The following MDFIC2 variants were observed in gnomAD, a reference collection of about 807,000 sequenced individuals.
MDFIC2 encodes the protein myoD family inhibitor domain-containing protein 2.
At chr3:70,258,852 C>T (rs1054563358) in intron 2 of MDFIC2, among the ~76,000 whole-genome samples, 4 of 151,920 alleles carry the variant, frequency 2.6e-5, no homozygotes, top group African/African-American at 9.7e-5. Flanking sequence ...GGTGATGACC[C>T]TATGATTGAA....
intron 2 of MDFIC2, among the ~76,000 whole-genome samples, chr3:70,276,925 A>G (rs1258701581): frequency 2.0e-5 from 3 of 152,250 alleles, no homozygotes; most frequent in African/African-American, 7.2e-5. Flanking sequence ...TCAGTGAGAA[A>G]TCCTCACATT....
intron 2 of MDFIC2, among the ~76,000 whole-genome samples, chr3:70,285,602 T>C (rs1207305889): frequency 6.6e-6 from 1 of 151,656 alleles, no homozygotes; most frequent in Non-Finnish European, 1.5e-5. Context: ...CAAATGGTAT[T>C]TCTAGTTCTA....
chr3:70,244,516 G>A lies in MDFIC2; in HGVS notation c.89-37726C>T, dbSNP rs149592881. ...TTAATTTTTTAATGCTGTGAAAGCT[G>A]TGAGTAGGCTAACAAATCTATTTGA... is the stretch of plus-strand genomic sequence containing the variant. On this transcript the variant is annotated intron_variant, in intron 2 of 3. Transcript: ENST00000567252. 7.0e-4 allele frequency among the ~76,000 whole-genome samples: 106 copies of A among 152,306 alleles called. 1 individual carries two copies. Among genetic ancestry groups the A allele is most frequent in the African/African-American group, 2.5e-3 (103 of 41,568 alleles).
intron 2 of MDFIC2, chr3:70,249,228 A>G (rs777931739): frequency 2.0e-5 from 3 of 152,128 alleles, no homozygotes; most frequent in Non-Finnish European, 4.4e-5. Context: ...TTGTGTCCTT[A>G]ATATTTACTA....
intron 2 of MDFIC2, among the ~76,000 whole-genome samples, chr3:70,246,518 A>C (rs1034823394): frequency 6.6e-6 from 1 of 152,146 alleles, no homozygotes; most frequent in African/African-American, 2.4e-5. Context: ...CTTATCAAAC[A>C]GAAACACGAG....
intron 2 of MDFIC2, among the ~76,000 whole-genome samples, chr3:70,227,529 A>G (rs1425149392): frequency 6.6e-6 from 1 of 152,232 alleles, no homozygotes; most frequent in Non-Finnish European, 1.5e-5. Flanking sequence ...AGGCTAGAAG[A>G]CAAAGTGAGT....
intron 2 of MDFIC2, among the ~76,000 whole-genome samples, chr3:70,299,704 A>G (rs938352794): frequency 2.0e-5 from 3 of 152,098 alleles, no homozygotes; most frequent in African/African-American, 7.2e-5. Context: ...CTCTGGTTTC[A>G]GTCTCTACCC....
At chr3:70,292,813 A>G (rs1394781687) in intron 2 of MDFIC2, among the ~76,000 whole-genome samples, 8 of 152,064 alleles carry the variant, frequency 5.3e-5, no homozygotes, top group African/African-American at 7.2e-5. Context: ...AATTGCAATA[A>G]AAATTGCAGT....
At chr3:70,234,956 G>A (rs945547942) in intron 2 of MDFIC2, among the ~76,000 whole-genome samples, 5 of 152,156 alleles carry the variant, frequency 3.3e-5, no homozygotes, top group Admixed American at 2.0e-4. Context: ...GGTCTGGAGT[G>A]CAGTCTGGGC....
chr3:70,237,936 A>T lies in MDFIC2; in HGVS notation c.89-31146T>A, dbSNP rs1229306136. Among the ~76,000 whole-genome samples the T allele has an allele frequency of 2.8e-5, 4 of 145,438 alleles. No homozygotes were observed. In the East Asian group the frequency reaches 8.6e-4, roughly 31 times the overall value. ...CCAAGAGGATTTAGAATTGAGGTGG[A>T]TAATCCTAAAAGAGAAGGGAAAAGA... On this transcript the variant is annotated intron_variant, in intron 2 of 3. Coordinates refer to ENST00000567252, the MANE Select transcript of MDFIC2 (RefSeq NM_001364677.1).
intron 2 of MDFIC2, among the ~76,000 whole-genome samples, chr3:70,300,858 A>T (rs1238572791): frequency 6.6e-6 from 1 of 152,026 alleles, no homozygotes; most frequent in Admixed American, 6.6e-5. Context: ...TGGACACTCC[A>T]AGGTATTCAT....
At chr3:70,269,622 A>G (rs374956503) in intron 2 of MDFIC2, among the ~76,000 whole-genome samples, 4 of 152,164 alleles carry the variant, frequency 2.6e-5, no homozygotes, top group Non-Finnish European at 1.5e-5. Flanking sequence ...TCTTTGTTCA[A>G]TTAAATTATG....
intron 2 of MDFIC2, among the ~76,000 whole-genome samples, chr3:70,257,918 G>A (rs1701831841): frequency 6.6e-6 from 1 of 152,174 alleles, no homozygotes; most frequent in South Asian, 2.1e-4. Context: ...TGGTATTGGT[G>A]TAAGGATAGA....
At chr3:70,310,048 T>A (rs1702441011) in intron 2 of MDFIC2, among the ~76,000 whole-genome samples, 1 of 152,156 alleles carries the variant, frequency 6.6e-6, no homozygotes, top group Non-Finnish European at 1.5e-5. Context: ...GTGAAGAACA[T>A]CTCTATCTTC....
At position 70,311,887 on chromosome 3, in the gene MDFIC2, T is replaced by A; in HGVS notation, c.87A>T (p.Glu29Asp). The change falls in exon 2 of 4, where the codon GAA becomes GAT. Residue 29 changes from glutamate to aspartate, a missense_variant and splice_region_variant. Physicochemically the swap from Glu to Asp is conservative, Grantham distance 45. Transcript: ENST00000567252. ...AAAATCAAGAGCAAGAAGACTTACC[T>A]TCTTTCAACCAAGAAATGTTATTTT... The part of the protein sequence containing the change: ...NDKNNISWLK[E>D]DTQLTNAKHA... The A allele has an allele frequency of 1.0e-5, 4 of 397,802 alleles. No individual in the cohort carries two copies. Among genetic ancestry groups the A allele is most frequent in the Non-Finnish European group, 1.3e-5 (3 of 225,580 alleles). 24.6% of individuals were successfully genotyped at this position (397,802 alleles called of 1,614,324 possible).
chr3:70,257,243 A>T (rs1001008561), intron 2 of MDFIC2, among the ~76,000 whole-genome samples: 4 of 152,164 alleles, frequency 2.6e-5, no homozygotes, highest in Non-Finnish European at 4.4e-5. Flanking sequence ...CATTCCTTAA[A>T]ACCTGGCACA....
chr3:70,216,701 C>T lies in MDFIC2; in HGVS notation c.89-9911G>A, dbSNP rs533654314. Reference sequence around the variant, plus strand: ...AGCTTATTGAAAAACATACTCAGGTCTCTGCTCAAATGTCACCTCCTGGGT... The same window carrying T: ...AGCTTATTGAAAAACATACTCAGGTTTCTGCTCAAATGTCACCTCCTGGGT... On this transcript the variant is annotated intron_variant, in intron 2 of 3. Transcript: ENST00000567252. 2.9e-4 allele frequency among the ~76,000 whole-genome samples: 44 copies of T among 152,262 alleles called. No individual in the cohort carries two copies. The South Asian group carries it at 8.7e-3, about 30-fold the overall frequency.
intron 2 of MDFIC2, among the ~76,000 whole-genome samples, chr3:70,276,856 CA>C (rs769679849): frequency 1.3e-5 from 2 of 152,202 alleles, no homozygotes; most frequent in Non-Finnish European, 2.9e-5. Context: ...ACAAATCCTT[CA>C]AATTAGATTG....
At chr3:70,209,221 G>A (rs1239594216) in intron 2 of MDFIC2, among the ~76,000 whole-genome samples, 1 of 152,064 alleles carries the variant, frequency 6.6e-6, no homozygotes, top group Non-Finnish European at 1.5e-5. Context: ...TTGGCATGGA[G>A]AGATTGTAGG....
Sources: gnomAD v4.1 joint callset for allele counts (sites outside exome capture counted in the v4.1 genomes callset) on GRCh38, gnomAD v4.1.1 for gene constraint, MANE v1.5 for transcripts, NCBI Gene and HGNC (gene_info 2026-07-23, HGNC 2026-07-21) for gene names.